Variants in NKD1 observed in about 807,000 individuals in gnomAD.
NKD1 encodes protein naked cuticle homolog 1.
Under a neutral mutation model 56.0 loss-of-function variants are expected in NKD1, and 21 were observed. The ratio of observed to expected loss-of-function variants is 0.38; its 90% confidence interval spans 0.27 to 0.54. The LOEUF is 0.54. NKD1 is among the 20% of genes least tolerant of loss of function. The pLI, the probability that NKD1 is intolerant of heterozygous loss-of-function variation, is 0.82. For synonymous variants in NKD1, 263 were observed against 265.7 expected, an observed-to-expected ratio of 0.99 and a Z score of 0.10; for missense variants, 578 against 642.7, an observed-to-expected ratio of 0.90 and a Z score of 1.09.
Position 50,633,126 on chromosome 16 carries a change from T to C in NKD1, c.824-66T>C. 3.5e-6 allele frequency: 5 copies of C among 1,444,776 alleles called. No homozygotes were observed. Among genetic ancestry groups the C allele is most frequent in the Non-Finnish European group, 4.7e-6 (5 of 1,073,186 alleles). 89.5% of individuals were successfully genotyped at this position (1,444,776 alleles called of 1,614,324 possible). A position where few individuals can be genotyped will look rare whatever the true frequency, so the allele number is the denominator to read the frequency against. On this transcript the variant is annotated intron_variant, in intron 9 of 9. Transcript: ENST00000268459. This position sits in a 1 kb window ranked among gnomAD's most constrained non-coding sequence, Gnocchi z 4.9. ...GAGAACTGGGGGCGGGGGTGATGTC[T>C]GGGGTATAGCGCAAGCCCCAGCACA...
rs78539976 is a variant in NKD1 at position 50,609,551 on chromosome 16, C to T, written c.259+1191C>T. On this transcript the variant is annotated intron_variant, in intron 4 of 9. Coordinates refer to ENST00000268459, the MANE Select transcript of NKD1 (RefSeq NM_033119.5). The stretch of plus-strand genomic sequence containing the variant: ...GGCCACAAGAGGAGAGCAGACAGTT[C>T]TGGGAAGTTCTCAAGGGGAGCATCG... 2.7e-3 allele frequency among the ~76,000 whole-genome samples: 409 copies of T among 152,268 alleles called. 4 individuals carry two copies. Among genetic ancestry groups the T allele is most frequent in the African/African-American group, 9.1e-3 (380 of 41,564 alleles).
At chr16:50,578,579 T>C (rs1052164381) in intron 3 of NKD1, among the ~76,000 whole-genome samples, 1 of 152,192 alleles carries the variant, frequency 6.6e-6, no homozygotes, top group Non-Finnish European at 1.5e-5. Context: ...GATCTACTAG[T>C]GCTCTGCTGA....
intron 5 of NKD1, among the ~76,000 whole-genome samples, chr16:50,622,379 G>A (rs529227222): frequency 2.0e-5 from 3 of 152,152 alleles, no homozygotes; most frequent in East Asian, 1.9e-4. Flanking sequence ...GTTCCCCACC[G>A]CCTGATAGTG....
intron 4 of NKD1, among the ~76,000 whole-genome samples, chr16:50,620,779 A>C (rs920755683): frequency 2.0e-5 from 3 of 152,176 alleles, no homozygotes; most frequent in African/African-American, 7.2e-5. Context: ...CGGAGCTGGC[A>C]TCCTCAGGAA....
intron 3 of NKD1, among the ~76,000 whole-genome samples, chr16:50,599,864 T>G (rs1386220465): frequency 6.6e-6 from 1 of 152,228 alleles, no homozygotes; most frequent in African/African-American, 2.4e-5. Flanking sequence ...TTCTGGGTGA[T>G]GTCAAGATTT....
intron 4 of NKD1, among the ~76,000 whole-genome samples, chr16:50,618,644 G>A (rs1962016605): frequency 6.6e-6 from 1 of 152,216 alleles, no homozygotes. Context: ...GACCTTCTTT[G>A]GTGGGGATAG....
intron 3 of NKD1, among the ~76,000 whole-genome samples, chr16:50,604,958 A>G (rs1961674184): frequency 6.6e-6 from 1 of 152,076 alleles, no homozygotes; most frequent in Non-Finnish European, 1.5e-5. Context: ...CAGCTGGGCT[A>G]TTTTTCTTGC....
intron 4 of NKD1, among the ~76,000 whole-genome samples, chr16:50,619,131 C>T (rs76238903): frequency 6.6e-6 from 1 of 152,310 alleles, no homozygotes; most frequent in East Asian, 1.9e-4. Flanking sequence ...CCAGCCAGGA[C>T]CTCTGCAGAG....
chr16:50,631,645 A>T (rs1962348384), intron 8 of NKD1, among the ~76,000 whole-genome samples: 1 of 152,166 alleles, frequency 6.6e-6, no homozygotes, highest in Non-Finnish European at 1.5e-5. Context: ...GTTGTGTGGG[A>T]AGGAAGCCAG....
In NKD1 at chr16:50,640,990, G is replaced by C. The variant is rs983879975; in HGVS notation, c.*7209G>C. The stretch of plus-strand genomic sequence containing the variant: ...AGACGGGAGACCTGAGACTCCAGGT[G>C]GGGGTGTGGAGTCCAAATGGACAGT... On this transcript the variant is annotated 3_prime_UTR_variant, in exon 10 of 10. Coordinates refer to ENST00000268459, the MANE Select transcript of NKD1 (RefSeq NM_033119.5). 6.6e-6 allele frequency: 1 copy of C among 152,234 alleles called. No individual in the cohort carries two copies. Among genetic ancestry groups the C allele is most frequent in the African/African-American group, 2.4e-5 (1 of 41,460 alleles). The allele number at this position is 152,234 out of a possible 1,614,324, so 9.4% of individuals were successfully genotyped here.
intron 3 of NKD1, among the ~76,000 whole-genome samples, chr16:50,569,885 G>A (rs771116218): frequency 6.6e-6 from 1 of 152,172 alleles, no homozygotes; most frequent in Non-Finnish European, 1.5e-5. Context: ...CCGCATAGGT[G>A]GATTTTCAGG....
chr16:50,584,138 A>G (rs1251954670), intron 3 of NKD1, among the ~76,000 whole-genome samples: 2 of 152,188 alleles, frequency 1.3e-5, no homozygotes, highest in Non-Finnish European at 2.9e-5. Context: ...TCATGCTTCA[A>G]GACAGTTGGC....
intron 4 of NKD1, among the ~76,000 whole-genome samples, chr16:50,619,829 C>T (rs142059812): frequency 1.6e-4 from 25 of 152,278 alleles, no homozygotes; most frequent in East Asian, 1.5e-3. Context: ...ACAGAACCCA[C>T]GTGGAGATGA....
In NKD1 at chr16:50,641,289, C is replaced by G. The variant is rs941025000; in HGVS notation, c.*7508C>G. The stretch of plus-strand genomic sequence containing the variant: ...GGAGTGGGCCTGAGGCCAACTTGCT[C>G]AGAGCCACACTCCCCAGGAAGCTGT... On this transcript the variant is annotated 3_prime_UTR_variant, in exon 10 of 10. Transcript: ENST00000268459. 4 of 152,184 alleles carry G rather than the reference C, an allele frequency of 2.6e-5. No individual in the cohort carries two copies. Among genetic ancestry groups the G allele is most frequent in the Admixed American group, 1.3e-4 (2 of 15,278 alleles). The allele number at this position is 152,184 out of a possible 1,614,324, so 9.4% of individuals were successfully genotyped here. A position where few individuals can be genotyped will look rare whatever the true frequency, so the allele number is the denominator to read the frequency against.
chr16:50,632,652 G>A lies in NKD1; in HGVS notation c.823+244G>A, dbSNP rs1177539503. Among the ~76,000 whole-genome samples, 1 of 152,204 alleles carries A rather than the reference G, an allele frequency of 6.6e-6. No individual in the cohort carries two copies. Among genetic ancestry groups the A allele is most frequent in the Admixed American group, 6.5e-5 (1 of 15,282 alleles). On this transcript the variant is annotated intron_variant, in intron 9 of 9. Transcript: ENST00000268459. This position sits in a 1 kb window ranked among gnomAD's most constrained non-coding sequence, Gnocchi z 4.1. ...GCTTAGCACCCAATGACAAACAACA[G>A]TTTTGTGCCCCATCCCAGCCCACCC...
intron 4 of NKD1, among the ~76,000 whole-genome samples, chr16:50,611,261 G>T (rs566588504): frequency 1.3e-5 from 2 of 151,846 alleles, no homozygotes; most frequent in South Asian, 4.1e-4. Context: ...CAGCTTCTTG[G>T]CTATCTCTGT....
chr16:50,579,586 T>C (rs565154114), intron 3 of NKD1, among the ~76,000 whole-genome samples: 1 of 124,254 alleles, frequency 8.0e-6, no homozygotes, highest in African/African-American at 3.6e-5. Context: ...GTCTTAGTCC[T>C]GCGGGCTACC....
At chr16:50,604,748 G>T (rs1027081312) in intron 3 of NKD1, among the ~76,000 whole-genome samples, 1 of 152,236 alleles carries the variant, frequency 6.6e-6, no homozygotes, top group African/African-American at 2.4e-5. Flanking sequence ...CGCCGTCGAA[G>T]TTCTGAATAT....
Position 50,642,232 on chromosome 16 carries a change from C to T in NKD1, c.*8451C>T, listed in dbSNP as rs1250294144. ...GGGCAGTCTCAGTAGGAGTCTCAGG[C>T]CAGGCTCTGTCTGTGGATTCCCACT... On this transcript the variant is annotated 3_prime_UTR_variant, in exon 10 of 10. Coordinates refer to ENST00000268459, the MANE Select transcript of NKD1 (RefSeq NM_033119.5). The T allele has an allele frequency of 6.6e-6, 1 of 152,284 alleles. No homozygotes were observed. The highest frequency in any genetic ancestry group is 1.9e-4 in the East Asian group (1 of 5,200). 9.4% of individuals were successfully genotyped at this position (152,284 alleles called of 1,614,324 possible). A position where few individuals can be genotyped will look rare whatever the true frequency, so the allele number is the denominator to read the frequency against.
Sources: gnomAD v4.1 joint callset for allele counts (sites outside exome capture counted in the v4.1 genomes callset) on GRCh38, gnomAD v4.1.1 for gene constraint, Gnocchi (gnomAD v3.1) non-coding constraint, MANE v1.5 for transcripts, NCBI Gene and HGNC (gene_info 2026-07-23, HGNC 2026-07-21) for gene names.